OSMR: variants seen among roughly 807,000 people sequenced by gnomAD.
The protein encoded by OSMR is oncostatin-M-specific receptor subunit beta.
OSMR carries 81 observed loss-of-function variants against 99.9 expected under a neutral mutation model. The ratio of observed to expected loss-of-function variants is 0.81; its 90% CI spans 0.68 to 0.97. The LOEUF is 0.97. OSMR is among the 50% of genes least tolerant of loss of function. The probability of loss-of-function intolerance (pLI) is 0.00; values close to 1 mark genes in which losing one functional copy is unlikely to be tolerated. For synonymous variants in OSMR, 406 were observed against 410.4 expected (o/e 0.99, Z 0.13); for missense variants, 1,099 against 1,153.4 (o/e 0.95, Z 0.68).
At chr5:38,922,592 C>T (rs1380246987) in intron 12 of OSMR, among the ~76,000 whole-genome samples, 2 of 152,146 alleles carry the variant, frequency 1.3e-5, no homozygotes, top group Non-Finnish European at 2.9e-5. Context: ...GTTGAGAACT[C>T]TTGCTTCAAA....
chr5:38,852,351 A>G (rs1349789647), intron 1 of OSMR, among the ~76,000 whole-genome samples: 1 of 152,212 alleles, frequency 6.6e-6, no homozygotes, highest in Admixed American at 6.5e-5. Context: ...ATCAAGAGAA[A>G]TACACATAGA....
At chr5:38,871,860 A>G (rs973981311) in intron 2 of OSMR, among the ~76,000 whole-genome samples, 2 of 152,112 alleles carry the variant, frequency 1.3e-5, no homozygotes, top group African/African-American at 4.8e-5. Flanking sequence ...TAATTGCTGC[A>G]TGATATCCCT....
intron 1 of OSMR, among the ~76,000 whole-genome samples, chr5:38,867,702 C>A (rs189449315): frequency 1.1e-4 from 17 of 152,114 alleles, no homozygotes; most frequent in Non-Finnish European, 2.1e-4. Flanking sequence ...AAAGGAAAAC[C>A]GGAAATTATT....
intron 9 of OSMR, among the ~76,000 whole-genome samples, chr5:38,906,844 A>G (rs1745269125): frequency 6.6e-6 from 1 of 152,232 alleles, no homozygotes; most frequent in Admixed American, 6.5e-5. Flanking sequence ...GAATCAGATC[A>G]AAAATTACTT....
At chr5:38,903,545 T>A (rs960808312) in intron 7 of OSMR, among the ~76,000 whole-genome samples, 2 of 152,232 alleles carry the variant, frequency 1.3e-5, no homozygotes, top group Non-Finnish European at 1.5e-5. Flanking sequence ...TTGTTAATGT[T>A]ATTTTGGTTA....
chr5:38,852,685 C>T (rs992536075), intron 1 of OSMR, among the ~76,000 whole-genome samples: 14 of 140,074 alleles, frequency 1.0e-4, no homozygotes, highest in Non-Finnish European at 1.9e-4. Flanking sequence ...TGAGGGATAG[C>T]TCTTTGTGAT....
intron 7 of OSMR, among the ~76,000 whole-genome samples, chr5:38,890,470 A>G (rs1744079504): frequency 6.6e-6 from 1 of 152,190 alleles, no homozygotes; most frequent in African/African-American, 2.4e-5. Context: ...CAGTCTTTTA[A>G]TTAGCTATTA....
chr5:38,868,432 T>C (rs1742109462), intron 1 of OSMR, among the ~76,000 whole-genome samples: 1 of 152,124 alleles, frequency 6.6e-6, no homozygotes, highest in South Asian at 2.1e-4. Flanking sequence ...TTCCCACGTG[T>C]TGTGGGAGGG....
intron 1 of OSMR, among the ~76,000 whole-genome samples, chr5:38,858,317 C>CTTT (rs79742677): frequency 7.2e-6 from 1 of 139,702 alleles, no homozygotes; most frequent in African/African-American, 2.6e-5. Flanking sequence ...ATGAGATCCA[C>CTTT]TTTTTTTTTT....
chr5:38,915,581 T>G (rs939223548), intron 9 of OSMR, among the ~76,000 whole-genome samples: 3 of 152,214 alleles, frequency 2.0e-5, no homozygotes, highest in African/African-American at 7.2e-5. Flanking sequence ...GTATTTAAAT[T>G]GATTTTTGTT....
At chr5:38,914,317 T>A (rs1023159129) in intron 9 of OSMR, among the ~76,000 whole-genome samples, 1 of 152,204 alleles carries the variant, frequency 6.6e-6, no homozygotes, top group Non-Finnish European at 1.5e-5. Context: ...CTATTGCCTT[T>A]TCTAATGAGG....
chr5:38,886,427 G>T, intron 7 of OSMR: 1 of 1,137,890 alleles, frequency 8.8e-7, no homozygotes, highest in Non-Finnish European at 1.2e-6. Context: ...TTCAAAACTA[G>T]GACTCTAACA....
chr5:38,860,702 C>T (rs547221697), intron 1 of OSMR, among the ~76,000 whole-genome samples: 10 of 152,198 alleles, frequency 6.6e-5, no homozygotes, highest in East Asian at 1.9e-4. Context: ...GATGGAGTCT[C>T]GCTGTTGTCG....
intron 2 of OSMR, among the ~76,000 whole-genome samples, chr5:38,871,352 C>T (rs916522206): frequency 1.3e-5 from 2 of 152,264 alleles, no homozygotes; most frequent in African/African-American, 4.8e-5. Context: ...ATCAACCAAT[C>T]TTCACTGCTG....
intron 9 of OSMR, among the ~76,000 whole-genome samples, chr5:38,915,314 A>ATGAT (rs1457519984): frequency 6.6e-6 from 1 of 152,216 alleles, no homozygotes; most frequent in Non-Finnish European, 1.5e-5. Context: ...AAATATAGTA[A>ATGAT]ACCCTATCAA....
intron 9 of OSMR, among the ~76,000 whole-genome samples, chr5:38,913,600 C>CGT (rs1745730844): frequency 6.6e-6 from 1 of 150,424 alleles, no homozygotes; most frequent in Non-Finnish European, 1.5e-5. Context: ...GTTCTGAAGA[C>CGT]ATACAAGCAG....
downstream of OSMR, chr5:38,939,395 T>C (rs969466713): frequency 4.3e-6 from 1 of 232,344 alleles, no homozygotes; most frequent in Non-Finnish European, 8.5e-6. Context: ...CACTGTCATA[T>C]AGAATGTCCA....
chr5:38,894,120 G>A (rs959615335), intron 7 of OSMR, among the ~76,000 whole-genome samples: 3 of 152,106 alleles, frequency 2.0e-5, no homozygotes, highest in African/African-American at 4.8e-5. Context: ...TTTCAGATAA[G>A]CAATTGCTAA....
At chr5:38,931,089 A>T (rs1561414519) in intron 15 of OSMR, among the ~76,000 whole-genome samples, 2 of 152,078 alleles carry the variant, frequency 1.3e-5, no homozygotes, top group African/African-American at 2.4e-5. Context: ...GTTCTAACAG[A>T]TTTCACAATG....
Sources: gnomAD v4.1 joint callset for allele counts (sites outside exome capture counted in the v4.1 genomes callset) on GRCh38, gnomAD v4.1.1 for gene constraint, MANE v1.5 for transcripts, NCBI Gene and HGNC (gene_info 2026-07-23, HGNC 2026-07-21) for gene names.